RBM34: variants seen among roughly 807,000 people sequenced by gnomAD.
RBM34 encodes the protein RNA-binding protein 34.
In RBM34, 39 loss-of-function variants were observed where a neutral mutation model predicts 44.6. The observed-to-expected ratio is 0.87, with a 90% CI of 0.68 to 1.14. The LOEUF (loss-of-function observed/expected upper bound fraction) is 1.14, where lower values mean the gene tolerates loss of function less well. Among genes scored for constraint, RBM34 ranks in the 50% most tolerant of loss-of-function variants. The pLI, the probability that RBM34 is intolerant of heterozygous loss-of-function variation, is 0.00. For synonymous variants in RBM34, 194 were observed against 184.0 expected (o/e 1.05, Z -0.44); for missense variants, 572 against 517.9 (o/e 1.10, Z -1.01).
chr1:235,155,817 A>G (rs1662381614), intron 3 of RBM34, among the ~76,000 whole-genome samples: 1 of 85,810 alleles, frequency 1.2e-5, no homozygotes, highest in Non-Finnish European at 2.0e-5. Flanking sequence ...TTATACATAC[A>G]TATACATATA....
chr1:235,135,322 G>A (rs543927008), intron 10 of RBM34, among the ~76,000 whole-genome samples: 16 of 151,808 alleles, frequency 1.1e-4, no homozygotes, highest in South Asian at 4.2e-4. Context: ...TCCACCTCCC[G>A]GGTTCAAGCG....
At chr1:235,150,006 C>T (rs904323792) in intron 5 of RBM34, among the ~76,000 whole-genome samples, 1 of 152,182 alleles carries the variant, frequency 6.6e-6, no homozygotes, top group Non-Finnish European at 1.5e-5. Flanking sequence ...ATGTGAATGA[C>T]ATCATCAAAA....
At chr1:235,139,626 G>A (rs1046753338) in intron 6 of RBM34, among the ~76,000 whole-genome samples, 5 of 152,068 alleles carry the variant, frequency 3.3e-5, no homozygotes, top group Admixed American at 6.5e-5. Flanking sequence ...CTGGAGTTCC[G>A]CTTCCACCTA....
At chr1:235,149,030 G>C (rs558144234) in intron 5 of RBM34, among the ~76,000 whole-genome samples, 1 of 152,134 alleles carries the variant, frequency 6.6e-6, no homozygotes, top group East Asian at 1.9e-4. Flanking sequence ...CTCTCAAATT[G>C]CATCAGATGA....
intron 4 of RBM34, among the ~76,000 whole-genome samples, chr1:235,153,127 C>A (rs1473629274): frequency 1.3e-5 from 2 of 152,126 alleles, no homozygotes; most frequent in African/African-American, 4.8e-5. Context: ...ACATCAGCCT[C>A]TTCAAGTGCT....
intron 3 of RBM34, among the ~76,000 whole-genome samples, chr1:235,159,820 G>A (rs1267080068): frequency 2.0e-4 from 30 of 146,860 alleles, no homozygotes; most frequent in Non-Finnish European, 4.2e-4. Flanking sequence ...AGTGAGCTGA[G>A]ATCAGGCCAC....
chr1:235,142,745 T>C (rs1256369121), intron 6 of RBM34, among the ~76,000 whole-genome samples: 1 of 149,882 alleles, frequency 6.7e-6, no homozygotes, highest in Admixed American at 6.6e-5. Flanking sequence ...CTGGCCAACA[T>C]GGTGAAACCC....
rs199876540 is a variant in RBM34 at position 235,137,605 on chromosome 1, G to C, written c.849+272C>G. 5.9e-5 allele frequency among the ~76,000 whole-genome samples: 9 copies of C among 151,376 alleles called. No homozygotes were observed. The East Asian group carries it at 1.7e-3, about 29-fold the overall frequency. On this transcript the variant is annotated intron_variant, in intron 8 of 10. Coordinates refer to ENST00000408888, the MANE Select transcript of RBM34 (RefSeq NM_015014.4). Reference sequence around the variant, plus strand: ...TTGCTCAGGCTGCTCTTAACTCCTGGGCTCAAGTGATCCTCCCGCCTTGGC... The same window carrying C: ...TTGCTCAGGCTGCTCTTAACTCCTGCGCTCAAGTGATCCTCCCGCCTTGGC...
At chr1:235,148,586 A>C (rs1662013867) in intron 5 of RBM34, 139 bp from the exon 6 acceptor site, 37 of 534,796 alleles carry the variant, frequency 6.9e-5, no homozygotes, top group South Asian at 1.2e-4. Context: ...ATCAGAAACA[A>C]CTGTCCTAAT....
intron 6 of RBM34, among the ~76,000 whole-genome samples, chr1:235,141,827 A>C (rs1661695471): frequency 6.6e-6 from 1 of 152,142 alleles, no homozygotes; most frequent in African/African-American, 2.4e-5. Flanking sequence ...TGAGACCACG[A>C]ACCCACCAGA....
At chr1:235,155,856 T>C (rs867535097) in intron 3 of RBM34, among the ~76,000 whole-genome samples, 1 of 43,914 alleles carries the variant, frequency 2.3e-5, no homozygotes, top group Non-Finnish European at 3.7e-5. Context: ...TATATATATA[T>C]ATATATATAT....
rs768537585 is a variant in RBM34 at position 235,131,737 on chromosome 1, A to G, written c.1269T>C (p.Pro423=). 4.4e-6 allele frequency: 7 copies of G among 1,600,730 alleles called. No homozygotes were observed. Among genetic ancestry groups the G allele is most frequent in the Non-Finnish European group, 6.0e-6 (7 of 1,175,624 alleles). Residue 423 remains proline (P), a synonymous_variant, in exon 11 of 11, where the codon CCT becomes CCC. Coordinates refer to ENST00000408888, the MANE Select transcript of RBM34 (RefSeq NM_015014.4). ...GTTATTTCTGTTTTCTCTGTTTCTTAGGGCGTCCACTTTTCTTCTGTCCTT... is the reference window on the plus strand; with the variant it reads ...GTTATTTCTGTTTTCTCTGTTTCTTGGGGCGTCCACTTTTCTTCTGTCCTT... ...KKKGQKKSGR[P]KKQRKQK
intron 4 of RBM34, 82 bp from the exon 5 acceptor site, chr1:235,152,847 T>C: frequency 4.1e-6 from 5 of 1,230,008 alleles, no homozygotes; most frequent in Non-Finnish European, 5.7e-6. Flanking sequence ...AGAAAAATTG[T>C]CTGATAATCC....
At position 235,155,093 on chromosome 1, in the gene RBM34, C is replaced by G. The variant is rs765545776; in HGVS notation, c.385G>C (p.Ala129Pro). ...TGGTGAATTTCTTCTTCTAAATCAG[C>G]ACTCGCTAGAGCGCTTTCCCTTTTT... is the stretch of plus-strand genomic sequence containing the variant. ...LADRESALASADLEEEIHQKQ... is the reference protein window; with the variant it reads ...LADRESALASPDLEEEIHQKQ... Residue 129 changes from alanine (A) to proline (P), a missense_variant, in exon 4 of 11, where the codon GCT becomes CCT. Ala to Pro is a conservative substitution (Grantham distance 27). Transcript: ENST00000408888. 23 of 1,613,182 alleles carry G rather than the reference C, an allele frequency of 1.4e-5. No individual in the cohort carries two copies. Among genetic ancestry groups the G allele is most frequent in the Non-Finnish European group, 1.7e-5 (20 of 1,179,906 alleles).
intron 3 of RBM34, among the ~76,000 whole-genome samples, chr1:235,158,119 G>A (rs1440644901): frequency 1.3e-5 from 2 of 151,956 alleles, no homozygotes; most frequent in Admixed American, 6.6e-5. Flanking sequence ...TATATTAGCA[G>A]AAAGAGGGAT....
At chr1:235,137,705 C>T (rs1002633939) in intron 8 of RBM34, among the ~76,000 whole-genome samples, 172 bp downstream of exon 8, 1 of 152,128 alleles carries the variant, frequency 6.6e-6, no homozygotes, top group African/African-American at 2.4e-5. Flanking sequence ...GAATGTTGAC[C>T]TCGGTCCTTG....
At position 235,160,716 on chromosome 1, in the gene RBM34, A is replaced by C. The variant is rs527745781; in HGVS notation, c.229-69T>G. 12 of 1,551,222 alleles carry C rather than the reference A, an allele frequency of 7.7e-6. No individual in the cohort carries two copies. The Admixed American group carries it at 2.3e-4, about 30-fold the overall frequency. On this transcript the variant is annotated intron_variant, in intron 2 of 10. Coordinates refer to ENST00000408888, the MANE Select transcript of RBM34 (RefSeq NM_015014.4). ...GAATTCTGACCCTAAGCCATAATTC[A>C]GTCTTTCTAAATGAGAATCTCTTCT... is the stretch of plus-strand genomic sequence containing the variant.
chr1:235,158,808 C>G (rs1188570784), intron 3 of RBM34, among the ~76,000 whole-genome samples: 2 of 152,024 alleles, frequency 1.3e-5, no homozygotes, highest in Non-Finnish European at 2.9e-5. Flanking sequence ...CATCTTGATT[C>G]AAATACACTG....
chr1:235,160,679 C>T, intron 2 of RBM34, 32 bp from the exon 3 acceptor site: 3 of 1,599,558 alleles, frequency 1.9e-6, no homozygotes, highest in South Asian at 1.1e-5. Context: ...TATTTGAGAC[C>T]CCATACTTCT....
Sources: allele counts gnomAD v4.1 joint callset (sites outside exome capture counted in the v4.1 genomes callset), GRCh38; gene constraint gnomAD v4.1.1; transcripts MANE v1.5; gene names NCBI Gene and HGNC (gene_info 2026-07-23, HGNC 2026-07-21).